ADCY2: variants seen among roughly 807,000 people sequenced by gnomAD.
ADCY2 encodes adenylate cyclase type 2.
Under a neutral mutation model 125.2 loss-of-function variants are expected in ADCY2, and 31 were observed. The observed-to-expected ratio is 0.25, with a 90% CI of 0.19 to 0.33. The LOEUF (loss-of-function observed/expected upper bound fraction) is 0.33, where lower values mean the gene tolerates loss of function less well. ADCY2 is among the 10% of genes least tolerant of loss of function. ADCY2 has a pLI of 1.00. For missense variants in ADCY2, 904 were observed against 1,418.2 expected, an observed-to-expected ratio of 0.64 and a Z score of 5.82; for synonymous variants, 512 against 548.4, an observed-to-expected ratio of 0.93 and a Z score of 0.93.
At chr5:7,440,096 T>TA (rs545608540) in intron 2 of ADCY2, among the ~76,000 whole-genome samples, 37 of 152,228 alleles carry the variant, frequency 2.4e-4, no homozygotes, top group Admixed American at 1.1e-3. Flanking sequence ...TGAGAGAATT[T>TA]AAAAATGATA....
At chr5:7,719,257 A>C (rs1449335806) in intron 12 of ADCY2, among the ~76,000 whole-genome samples, 2 of 152,236 alleles carry the variant, frequency 1.3e-5, no homozygotes. Context: ...TGTATTTCAA[A>C]GTAATGCTTA....
intron 5 of ADCY2, among the ~76,000 whole-genome samples, chr5:7,693,661 G>C (rs1320585315): frequency 6.6e-6 from 1 of 152,106 alleles, no homozygotes; most frequent in African/African-American, 2.4e-5. Flanking sequence ...GGCCTCAGGT[G>C]ATCCACCCGC....
intron 4 of ADCY2, among the ~76,000 whole-genome samples, chr5:7,674,809 C>G (rs942794196): frequency 6.6e-6 from 1 of 152,098 alleles, no homozygotes; most frequent in Non-Finnish European, 1.5e-5. Flanking sequence ...GAACCATGAC[C>G]TTTTTTGTGT....
At chr5:7,529,242 G>A (rs969406330) in intron 3 of ADCY2, among the ~76,000 whole-genome samples, 4 of 80,902 alleles carry the variant, frequency 4.9e-5, no homozygotes, top group Non-Finnish European at 6.8e-5. Flanking sequence ...GCAGGAATGA[G>A]GACTTAATGA....
chr5:7,791,957 G>T (rs1275928520), intron 20 of ADCY2, among the ~76,000 whole-genome samples: 1 of 152,114 alleles, frequency 6.6e-6, no homozygotes, highest in Non-Finnish European at 1.5e-5. Context: ...CAGGGGGAGA[G>T]AGGAACGGGG....
chr5:7,499,910 C>A (rs911662911), intron 2 of ADCY2, among the ~76,000 whole-genome samples: 1 of 151,790 alleles, frequency 6.6e-6, no homozygotes, highest in South Asian at 2.1e-4. Context: ...TGTAAATGGG[C>A]TTAACTCACT....
At chr5:7,796,909 C>T (rs326134) in intron 20 of ADCY2, 32,285 of 152,148 alleles carry the variant, frequency 0.21, 3,928 homozygotes, top group East Asian at 0.61. Flanking sequence ...GCCAAGTCCC[C>T]GGGTGGTAGA....
intron 15 of ADCY2, among the ~76,000 whole-genome samples, chr5:7,745,220 G>A (rs139904841): frequency 3.9e-5 from 6 of 152,338 alleles, no homozygotes; most frequent in African/African-American, 1.2e-4. Context: ...TTGCATTCCA[G>A]TCTGATGTGC....
At chr5:7,629,562 A>G (rs1317653951) in intron 4 of ADCY2, among the ~76,000 whole-genome samples, 1 of 152,238 alleles carries the variant, frequency 6.6e-6, no homozygotes, top group African/African-American at 2.4e-5. Context: ...TTCTTGCCCT[A>G]AAAATGTTCT....
At chr5:7,649,296 A>G (rs1462448991) in intron 4 of ADCY2, among the ~76,000 whole-genome samples, 1 of 152,200 alleles carries the variant, frequency 6.6e-6, no homozygotes, top group Non-Finnish European at 1.5e-5. Flanking sequence ...AGCTCTCTGG[A>G]CATTGCATTT....
intron 16 of ADCY2, among the ~76,000 whole-genome samples, chr5:7,761,207 T>A (rs1039398732): frequency 1.8e-4 from 24 of 131,562 alleles, no homozygotes; most frequent in Non-Finnish European, 1.5e-5. Context: ...TGGAGTGCAA[T>A]GGGGTGATCT....
intron 2 of ADCY2, among the ~76,000 whole-genome samples, chr5:7,476,909 A>G (rs1240673133): frequency 6.6e-6 from 1 of 152,228 alleles, no homozygotes; most frequent in Non-Finnish European, 1.5e-5. Context: ...TAATAATATC[A>G]GACAGGAGTA....
chr5:7,784,207 A>G (rs1744012360), intron 18 of ADCY2, among the ~76,000 whole-genome samples, 158 bp from the exon 19 acceptor site: 1 of 152,170 alleles, frequency 6.6e-6, no homozygotes, highest in African/African-American at 2.4e-5. Flanking sequence ...GTTTTAATGC[A>G]AGCTGGGTTT....
intron 19 of ADCY2, among the ~76,000 whole-genome samples, chr5:7,786,779 A>G (rs972355011): frequency 2.7e-4 from 41 of 152,152 alleles, no homozygotes; most frequent in African/African-American, 9.9e-4. Context: ...CTCAAAATGA[A>G]GCTGTTGTTT....
At chr5:7,649,978 A>G (rs1368307379) in intron 4 of ADCY2, among the ~76,000 whole-genome samples, 1 of 152,056 alleles carries the variant, frequency 6.6e-6, no homozygotes, top group African/African-American at 2.4e-5. Context: ...CCTTCAAAGT[A>G]AACCCAAAGA....
intron 3 of ADCY2, among the ~76,000 whole-genome samples, chr5:7,600,382 G>A (rs1296890855): frequency 6.6e-6 from 1 of 152,184 alleles, no homozygotes; most frequent in African/African-American, 2.4e-5. Flanking sequence ...TATGGACATG[G>A]CTACAAATGT....
intron 22 of ADCY2, among the ~76,000 whole-genome samples, chr5:7,813,292 A>T (rs1745000339): frequency 6.6e-6 from 1 of 152,248 alleles, no homozygotes. Flanking sequence ...GTGAATATTT[A>T]TGGAAGGAAG....
chr5:7,798,048 A>C (rs1473105472), intron 20 of ADCY2: 1 of 152,368 alleles, frequency 6.6e-6, no homozygotes, highest in Non-Finnish European at 1.5e-5. Context: ...TTGGACAGCA[A>C]AGGGTGCTCA....
intron 20 of ADCY2, among the ~76,000 whole-genome samples, chr5:7,792,267 T>C (rs986277700): frequency 8.2e-4 from 116 of 141,600 alleles, no homozygotes; most frequent in African/African-American, 3.1e-3. Context: ...TGGTGGCGGG[T>C]GCCTGTAATC....
Sources: allele counts gnomAD v4.1 joint callset (sites outside exome capture counted in the v4.1 genomes callset), GRCh38; gene constraint gnomAD v4.1.1; transcripts MANE v1.5; gene names NCBI Gene and HGNC (gene_info 2026-07-23, HGNC 2026-07-21).